The following MLC1 variants were observed in gnomAD, a reference collection of about 807,000 sequenced individuals.
MLC1 encodes membrane protein MLC1.
A neutral mutation model predicts 44.7 loss-of-function variants in MLC1; 32 were observed. The observed-to-expected ratio is 0.72, with a 90% CI of 0.54 to 0.96. The LOEUF (loss-of-function observed/expected upper bound fraction) is 0.96. MLC1 is among the 40% of genes least tolerant of loss of function. MLC1 has a pLI of 0.00. For missense variants in MLC1, 459 were observed against 492.2 expected, an observed-to-expected ratio of 0.93 and a Z score of 0.64; for synonymous variants, 190 against 213.0, an observed-to-expected ratio of 0.89 and a Z score of 0.94.
intron 10 of MLC1, among the ~76,000 whole-genome samples, chr22:50,066,352 A>G (rs2294389): frequency 0.12 from 18,477 of 151,280 alleles, 1,248 homozygotes; most frequent in South Asian, 0.23. Flanking sequence ...AAATAAATAA[A>G]TACATAACTA....
Position 50,061,211 on chromosome 22 carries a change from G to T in MLC1, c.*372C>A. On this transcript the variant is annotated 3_prime_UTR_variant, in exon 12 of 12. Transcript: ENST00000311597. Reference sequence around the variant, plus strand: ...GACGCAGGGACCCACAGTCTGGTCAGGTCCAGAGAGCCCACTCCAGCCCAA... The same window carrying T: ...GACGCAGGGACCCACAGTCTGGTCATGTCCAGAGAGCCCACTCCAGCCCAA... 1 of 360,290 alleles carries T rather than the reference G, an allele frequency of 2.8e-6. No individual in the cohort carries two copies. The highest frequency in any genetic ancestry group is 6.7e-5 in the East Asian group (1 of 14,932). The allele number at this position is 360,290 out of a possible 1,614,324, so 22.3% of individuals were successfully genotyped here.
intron 3 of MLC1, 35 bp from the exon 4 acceptor site, chr22:50,080,432 T>A (rs773060767): frequency 6.3e-7 from 1 of 1,578,978 alleles, no homozygotes; most frequent in South Asian, 1.2e-5. Context: ...AGCCTGCCGC[T>A]CACCTGAGCA....
At position 50,059,586 on chromosome 22, in the gene MLC1, A is replaced by G. The variant is rs1018852593; in HGVS notation, c.*1997T>C. The stretch of plus-strand genomic sequence containing the variant: ...ACTTGAGCTCTCTGGTCTGCCCCCA[A>G]GAAGACATCAGCCCGCCCCGGGTCG... On this transcript the variant is annotated 3_prime_UTR_variant, in exon 12 of 12. Transcript: ENST00000311597. 6.6e-6 allele frequency: 1 copy of G among 151,228 alleles called. No homozygotes were observed. Among genetic ancestry groups the G allele is most frequent in the African/African-American group, 2.4e-5 (1 of 41,290 alleles). 9.4% of individuals were successfully genotyped at this position (151,228 alleles called of 1,614,324 possible).
At position 50,068,532 on chromosome 22, in the gene MLC1, G is replaced by A. The variant is rs749143089; in HGVS notation, c.795C>T (p.Ser265=). The A allele has an allele frequency of 1.2e-6, 2 of 1,612,748 alleles. No homozygotes were observed. The highest frequency in any genetic ancestry group is 4.5e-5 in the East Asian group (2 of 44,782). The change falls in exon 10 of 12, where the codon AGC becomes AGT. Residue 265 remains serine, a synonymous_variant. Coordinates refer to ENST00000311597, the MANE Select transcript of MLC1 (RefSeq NM_015166.4). ...KCLVEVLIAI[S]SLTSPLLFTA... Reference sequence around the variant, plus strand: ...TGAACAGCAGCGGAGACGTGAGGCTGCTTATGGCAATCAGGACCTCCACCT... The same window carrying A: ...TGAACAGCAGCGGAGACGTGAGGCTACTTATGGCAATCAGGACCTCCACCT...
At chr22:50,076,653 G>A (rs188721563) in intron 7 of MLC1, among the ~76,000 whole-genome samples, 188 bp downstream of exon 7, 13 of 152,218 alleles carry the variant, frequency 8.5e-5, no homozygotes, top group Admixed American at 5.9e-4. Flanking sequence ...AGCACCTTTC[G>A]CGATAAGGAA....
rs982387092 is a variant in MLC1, at chr22:50,059,491, G to T, written c.*2092C>A. ...CCCCATTTTTCCGGATTTTTTAAGC[G>T]CTCTAAAATAAGAAAATAAGAAAGT... On this transcript the variant is annotated 3_prime_UTR_variant, in exon 12 of 12. Coordinates refer to ENST00000311597, the MANE Select transcript of MLC1 (RefSeq NM_015166.4). 3 of 152,436 alleles carry T rather than the reference G, an allele frequency of 2.0e-5. No homozygotes were observed. Among genetic ancestry groups the T allele is most frequent in the African/African-American group, 4.8e-5 (2 of 41,548 alleles). 9.4% of individuals were successfully genotyped at this position (152,436 alleles called of 1,614,324 possible). A position where few individuals can be genotyped will look rare whatever the true frequency, so the allele number is the denominator to read the frequency against.
Position 50,061,540 on chromosome 22 carries a change from G to A in MLC1, c.*43C>T. On this transcript the variant is annotated 3_prime_UTR_variant, in exon 12 of 12. Coordinates refer to ENST00000311597, the MANE Select transcript of MLC1 (RefSeq NM_015166.4). Reference sequence around the variant, plus strand: ...TTAGGGGTTGTGCGTTTCCATGCTTGGGGCCAGGCTGGGCGCTGCCACCCG... The same window carrying A: ...TTAGGGGTTGTGCGTTTCCATGCTTAGGGCCAGGCTGGGCGCTGCCACCCG... 6.3e-7 allele frequency: 1 copy of A among 1,583,482 alleles called. No homozygotes were observed. The highest frequency in any genetic ancestry group is 8.7e-7 in the Non-Finnish European group (1 of 1,154,132).
In MLC1 at chr22:50,079,931, G is replaced by A. The variant is rs1349883982; in HGVS notation, c.410C>T (p.Pro137Leu). ...IWFGCKLVLNPSAININFNLI... is the reference protein window; with the variant it reads ...IWFGCKLVLNLSAININFNLI... ...GTGTGAACTCACGTTTATTGCTGAT[G>A]GGTTCAGGACTAGTTTGCATCCAAA... is the stretch of plus-strand genomic sequence containing the variant. Residue 137 changes from proline to leucine, a missense_variant, in exon 5 of 12, where the codon CCA becomes CTA. Transcript: ENST00000311597. 2.5e-6 allele frequency: 4 copies of A among 1,612,480 alleles called. No individual in the cohort carries two copies. In the African/African-American group the frequency reaches 5.3e-5, roughly 22 times the overall value.
chr22:50,085,374 T>C lies in MLC1; in HGVS notation c.-79A>G, dbSNP rs1569253264. 1.7e-5 allele frequency: 4 copies of C among 240,360 alleles called. No individual in the cohort carries two copies. Among genetic ancestry groups the C allele is most frequent in the Admixed American group, 5.2e-5 (1 of 19,222 alleles). 14.9% of individuals were successfully genotyped at this position (240,360 alleles called of 1,614,324 possible). ...ACTTACCTCCCCCGCTGCTCTGCCGTTGGGAGCACTGGTCTCTGGGTGAGG... is the reference window on the plus strand; with the variant it reads ...ACTTACCTCCCCCGCTGCTCTGCCGCTGGGAGCACTGGTCTCTGGGTGAGG... On this transcript the variant is annotated 5_prime_UTR_variant, in exon 1 of 12. Transcript: ENST00000311597.
At chr22:50,076,254 AAAGT>A (rs2061977623) in intron 7 of MLC1, among the ~76,000 whole-genome samples, 1 of 152,170 alleles carries the variant, frequency 6.6e-6, no homozygotes, top group South Asian at 2.1e-4. Context: ...AGAAAAGTTG[AAAGT>A]AAGAAGGAGA....
chr22:50,071,350 C>T lies in MLC1; in HGVS notation c.715-767G>A, dbSNP rs1036497886. On this transcript the variant is annotated intron_variant, in intron 8 of 11. Transcript: ENST00000311597. The stretch of plus-strand genomic sequence containing the variant: ...CAGGTGATCCGCCCGCCTCGGCCTC[C>T]CAAAGTGCTGGGATTACAGGCATGA... 7.9e-5 allele frequency among the ~76,000 whole-genome samples: 12 copies of T among 152,196 alleles called. No individual in the cohort carries two copies. The East Asian group carries it at 2.3e-3, about 29-fold the overall frequency.
Position 50,060,129 on chromosome 22 carries a change from G to A in MLC1, c.*1454C>T, listed in dbSNP as rs1249965046. 6.6e-6 allele frequency: 1 copy of A among 152,380 alleles called. No homozygotes were observed. 9.4% of individuals were successfully genotyped at this position (152,380 alleles called of 1,614,324 possible). A position where few individuals can be genotyped will look rare whatever the true frequency, so the allele number is the denominator to read the frequency against. ...GGGGGACCAGTCAATACACCCCACG[G>A]CGGTGAAGAGAAAACGTTCATGTCT... On this transcript the variant is annotated 3_prime_UTR_variant, in exon 12 of 12. Transcript: ENST00000311597.
At chr22:50,077,021 TGCGAGACCGCCTTGGAG>T (rs2062000714) in intron 6 of MLC1, 109 bp from the exon 7 acceptor site, 2 of 1,157,454 alleles carry the variant, frequency 1.7e-6, no homozygotes. Context: ...GCCGTGTAGA[TGCGAGACCGCCTTGGAG>T]GCGCCCGTGG....
rs1243170994 is a variant in MLC1, at chr22:50,064,049, C to T, written c.1044G>A (p.Glu348=). Residue 348 remains glutamate, a synonymous_variant, in exon 11 of 12, where the codon GAG becomes GAA. Transcript: ENST00000311597. Reference sequence around the variant, plus strand: ...GGCCACTCACCTCCCCAGCCAGGCGCTCCTGCGGGCCGTTCTGGGTGTCCC... The same window carrying T: ...GGCCACTCACCTCCCCAGCCAGGCGTTCCTGCGGGCCGTTCTGGGTGTCCC... ...ASWDTQNGPQ[E]RLAGEVARSP... The T allele has an allele frequency of 1.1e-5, 17 of 1,586,262 alleles. No individual in the cohort carries two copies. The highest frequency in any genetic ancestry group is 1.4e-5 in the Non-Finnish European group (16 of 1,169,188).
At position 50,061,542 on chromosome 22, in the gene MLC1, G is replaced by A. The variant is rs778640243; in HGVS notation, c.*41C>T. On this transcript the variant is annotated 3_prime_UTR_variant, in exon 12 of 12. Transcript: ENST00000311597. Reference sequence around the variant, plus strand: ...AGGGGTTGTGCGTTTCCATGCTTGGGGCCAGGCTGGGCGCTGCCACCCGGT... The same window carrying A: ...AGGGGTTGTGCGTTTCCATGCTTGGAGCCAGGCTGGGCGCTGCCACCCGGT... 1.0e-5 allele frequency: 16 copies of A among 1,588,924 alleles called. No individual in the cohort carries two copies. The highest frequency in any genetic ancestry group is 1.3e-5 in the Non-Finnish European group (15 of 1,159,002).
rs1272915106 is a variant in MLC1, at chr22:50,067,969, AAC to A, written c.894+462_894+463del. 2.3e-4 allele frequency among the ~76,000 whole-genome samples: 28 copies of A among 119,620 alleles called. 1 individual carries two copies. The highest frequency in any genetic ancestry group is 3.3e-4 in the South Asian group (1 of 3,030). The allele number at this position is 119,620 out of a possible 152,430, so 78.5% of individuals were successfully genotyped here. A position where few individuals can be genotyped will look rare whatever the true frequency, so the allele number is the denominator to read the frequency against. On this transcript the variant is annotated intron_variant, in intron 10 of 11. Transcript: ENST00000311597. Reference sequence around the variant, plus strand: ...TATACTGGAAAAAAAAAAACAAAAAAACAAAAAAACACTAGGTATCTAAGAAA... The same window carrying A: ...TATACTGGAAAAAAAAAAACAAAAAAAAAAAAACACTAGGTATCTAAGAAA...
chr22:50,068,309 G>C, intron 10 of MLC1, 124 bp downstream of exon 10: 1 of 1,389,108 alleles, frequency 7.2e-7, no homozygotes, highest in Non-Finnish European at 1.0e-6. Context: ...AACAGCGGAG[G>C]AGGTGCCTCC....
intron 5 of MLC1, among the ~76,000 whole-genome samples, chr22:50,078,713 TG>T (rs1413288049): frequency 6.7e-6 from 1 of 148,922 alleles, no homozygotes; most frequent in African/African-American, 2.5e-5. Flanking sequence ...CACTCCAGTC[TG>T]GGCGACAGAG....
intron 10 of MLC1, among the ~76,000 whole-genome samples, chr22:50,067,244 G>A (rs868082691): frequency 6.6e-6 from 1 of 152,046 alleles, no homozygotes; most frequent in Non-Finnish European, 1.5e-5. Context: ...CAGCACCTGT[G>A]GGAGGCCGAG....
Sources: gnomAD v4.1 joint callset for allele counts (sites outside exome capture counted in the v4.1 genomes callset) on GRCh38, gnomAD v4.1.1 for gene constraint, MANE v1.5 for transcripts, NCBI Gene and HGNC (gene_info 2026-07-23, HGNC 2026-07-21) for gene names.